The following TAFA2 variants were observed in gnomAD, a reference collection of about 807,000 sequenced individuals.
TAFA2 encodes the protein TAFA chemokine like family member 2.
In TAFA2, 7 loss-of-function variants were observed where a neutral mutation model predicts 18.8. The observed-to-expected ratio is 0.37, with a 90% CI of 0.21 to 0.70. The LOEUF (loss-of-function observed/expected upper bound fraction) is 0.70. Ranked by LOEUF, TAFA2 falls within the 30% of genes least tolerant of loss-of-function variation. The pLI is 0.53. For missense variants in TAFA2, 122 were observed against 158.1 expected (o/e 0.77, Z 1.23); for synonymous variants, 60 against 54.2 (o/e 1.11, Z -0.47).
chr12:62,184,446 T>C (rs186579598), intron 1 of TAFA2, among the ~76,000 whole-genome samples: 5 of 151,486 alleles, frequency 3.3e-5, no homozygotes, highest in Admixed American at 2.0e-4. Flanking sequence ...CGCTATATTA[T>C]TGCACTTCCA....
intron 4 of TAFA2, among the ~76,000 whole-genome samples, chr12:61,737,237 GT>G (rs1868319400): frequency 6.6e-6 from 1 of 151,696 alleles, no homozygotes; most frequent in Admixed American, 6.6e-5. Flanking sequence ...GATTTTTTAA[GT>G]TTTTTTCTAT....
chr12:62,212,964 T>C (rs1442761955), intron 1 of TAFA2, among the ~76,000 whole-genome samples: 2 of 152,178 alleles, frequency 1.3e-5, no homozygotes, highest in Non-Finnish European at 2.9e-5. Flanking sequence ...AGCCTAAATA[T>C]ATTATTGCTA....
intron 1 of TAFA2, among the ~76,000 whole-genome samples, chr12:61,972,378 G>A (rs1879279098): frequency 6.6e-6 from 1 of 151,290 alleles, no homozygotes; most frequent in Non-Finnish European, 1.5e-5. Context: ...AAGTTGAGAA[G>A]GGAAGATCCC....
chr12:62,238,596 C>T (rs975542114), intron 1 of TAFA2, among the ~76,000 whole-genome samples: 4 of 152,186 alleles, frequency 2.6e-5, no homozygotes, highest in African/African-American at 9.7e-5. Context: ...TTTGATTCCA[C>T]AATCCAAACC....
chr12:61,985,005 T>C lies in TAFA2; in HGVS notation c.-1-117579A>G, dbSNP rs1330240149. Among the ~76,000 whole-genome samples, 4 of 152,354 alleles carry C rather than the reference T, an allele frequency of 2.6e-5. No individual in the cohort carries two copies. The East Asian group carries it at 7.7e-4, about 29-fold the overall frequency. Reference sequence around the variant, plus strand: ...AAGTGAAAGGAACTGAAGTTTTAAATACTGTCCTAGAATTTAATTGAGAGA... The same window carrying C: ...AAGTGAAAGGAACTGAAGTTTTAAACACTGTCCTAGAATTTAATTGAGAGA... On this transcript the variant is annotated intron_variant, in intron 1 of 4. Transcript: ENST00000416284.
At chr12:61,907,898 T>G (rs1876431036) in intron 1 of TAFA2, among the ~76,000 whole-genome samples, 1 of 152,202 alleles carries the variant, frequency 6.6e-6, no homozygotes, top group African/African-American at 2.4e-5. Context: ...CCTATTGAAT[T>G]TTGGGCTTGC....
intron 1 of TAFA2, among the ~76,000 whole-genome samples, chr12:62,009,997 C>A (rs920735248): frequency 2.6e-5 from 4 of 152,170 alleles, no homozygotes; most frequent in Non-Finnish European, 4.4e-5. Context: ...GGAGACTGGT[C>A]AATTGAGGTA....
chr12:61,719,507 G>A (rs1337927141), intron 4 of TAFA2, among the ~76,000 whole-genome samples: 1 of 152,044 alleles, frequency 6.6e-6, no homozygotes, highest in East Asian at 1.9e-4. Flanking sequence ...CTATATGACT[G>A]CATCCCCAAC....
chr12:61,887,704 G>A (rs559279552), intron 1 of TAFA2, among the ~76,000 whole-genome samples: 11 of 149,704 alleles, frequency 7.3e-5, no homozygotes, highest in Non-Finnish European at 1.2e-4. Context: ...TTGTTCTTGC[G>A]ATAGTTTACT....
intron 1 of TAFA2, among the ~76,000 whole-genome samples, chr12:62,086,413 T>C (rs1868455251): frequency 6.6e-6 from 1 of 152,134 alleles, no homozygotes; most frequent in Non-Finnish European, 1.5e-5. Flanking sequence ...AAGGGAATAA[T>C]ATCCAGCATA....
intron 1 of TAFA2, among the ~76,000 whole-genome samples, chr12:61,885,328 C>T (rs1229299787): frequency 6.6e-6 from 1 of 152,184 alleles, no homozygotes; most frequent in Non-Finnish European, 1.5e-5. Context: ...ACAATAGTTG[C>T]TCTTTTGCAC....
At chr12:61,724,376 C>T (rs1326020407) in intron 4 of TAFA2, among the ~76,000 whole-genome samples, 1 of 151,592 alleles carries the variant, frequency 6.6e-6, no homozygotes, top group Non-Finnish European at 1.5e-5. Context: ...CTCTCTCCTT[C>T]CTTCCTTTCT....
intron 1 of TAFA2, among the ~76,000 whole-genome samples, chr12:62,091,554 C>G (rs566441811): frequency 6.6e-6 from 1 of 151,978 alleles, no homozygotes; most frequent in East Asian, 1.9e-4. Context: ...CCAAACTACC[C>G]ATGAAGCTGA....
chr12:61,951,471 A>G lies in TAFA2; in HGVS notation c.-1-84045T>C, dbSNP rs551102011. Among the ~76,000 whole-genome samples, 6 of 152,246 alleles carry G rather than the reference A, an allele frequency of 3.9e-5. No individual in the cohort carries two copies. The East Asian group carries it at 7.7e-4, about 20-fold the overall frequency. ...ACATGCCTGCAATAAATGCGCACCT[A>G]TATGTGTAAATGTCCTGGCTCAAAT... On this transcript the variant is annotated intron_variant, in intron 1 of 4. Transcript: ENST00000416284.
intron 1 of TAFA2, among the ~76,000 whole-genome samples, chr12:62,202,821 CTTT>C (rs71083986): frequency 1.9e-4 from 12 of 61,626 alleles, no homozygotes; most frequent in East Asian, 1.8e-3. Context: ...CTGTGTGGTT[CTTT>C]TTTTTTTTTT....
rs149262267 is a variant in TAFA2, at chr12:61,752,480, C to T, written c.384+1142G>A. 4.2e-3 allele frequency among the ~76,000 whole-genome samples: 636 copies of T among 152,030 alleles called. 2 individuals carry two copies. Among genetic ancestry groups the T allele is most frequent in the African/African-American group, 9.9e-3 (409 of 41,504 alleles). On this transcript the variant is annotated intron_variant, in intron 4 of 4. Coordinates refer to ENST00000416284, the MANE Select transcript of TAFA2 (RefSeq NM_178539.5). ...CCAGAATGTTTTTAACAAATTAATA[C>T]GGATTATATCATGTGCTAGCTCACT...
At chr12:62,041,407 G>GTACTGA (rs1456511865) in intron 1 of TAFA2, among the ~76,000 whole-genome samples, 3 of 152,162 alleles carry the variant, frequency 2.0e-5, no homozygotes, top group Admixed American at 1.3e-4. Flanking sequence ...TTAAAGTGAG[G>GTACTGA]AAGGTACTGA....
chr12:62,089,274 A>G (rs1868606774), intron 1 of TAFA2, among the ~76,000 whole-genome samples: 1 of 152,082 alleles, frequency 6.6e-6, no homozygotes, highest in Admixed American at 6.6e-5. Context: ...CTGTCAGTGA[A>G]TGTTATCTGG....
At chr12:62,103,775 C>T (rs1316368331) in intron 1 of TAFA2, among the ~76,000 whole-genome samples, 1 of 151,900 alleles carries the variant, frequency 6.6e-6, no homozygotes, top group Admixed American at 6.6e-5. Context: ...TACATGCTTC[C>T]TCATAAACAC....
Sources: gnomAD v4.1 joint callset for allele counts (sites outside exome capture counted in the v4.1 genomes callset) on GRCh38, gnomAD v4.1.1 for gene constraint, MANE v1.5 for transcripts, NCBI Gene and HGNC (gene_info 2026-07-23, HGNC 2026-07-21) for gene names.